NDUFA10: variants seen among roughly 807,000 people sequenced by gnomAD.
NDUFA10 encodes NADH:ubiquinone oxidoreductase subunit A10, also known as NADH dehydrogenase [ubiquinone] 1 alpha subcomplex subunit 10, mitochondrial.
In NDUFA10, 40 loss-of-function variants were observed where a neutral mutation model predicts 47.8. The ratio of observed to expected loss-of-function variants is 0.84; its 90% CI spans 0.65 to 1.09. The LOEUF (loss-of-function observed/expected upper bound fraction) is 1.09. NDUFA10 is among the 50% of genes least tolerant of loss of function. The pLI, the probability that NDUFA10 is intolerant of heterozygous loss-of-function variation, is 0.00. For missense variants in NDUFA10, 413 were observed against 451.1 expected (o/e 0.92, Z 0.76); for synonymous variants, 183 against 172.2 (o/e 1.06, Z -0.49).
At chr2:239,974,375 A>C (rs913771039) in intron 9 of NDUFA10, among the ~76,000 whole-genome samples, 2 of 152,260 alleles carry the variant, frequency 1.3e-5, no homozygotes, top group Non-Finnish European at 2.9e-5. Context: ...TCACAGGATC[A>C]ACAAAACCAA....
intron 5 of NDUFA10, chr2:240,013,697 C>G (rs1157726544): frequency 6.6e-6 from 1 of 152,180 alleles, no homozygotes; most frequent in South Asian, 2.1e-4. Context: ...CTTTCAGGAG[C>G]AGCAAAAAAT....
chr2:239,931,278 GTGCCCAGCAC>G (rs1324167650), intron 4 of NDUFA10, among the ~76,000 whole-genome samples: 1 of 152,136 alleles, frequency 6.6e-6, no homozygotes, highest in African/African-American at 2.4e-5. Flanking sequence ...CTCTCTGGAG[GTGCCCAGCAC>G]CCCTGGCATG....
intron 6 of NDUFA10, among the ~76,000 whole-genome samples, chr2:240,009,039 G>A (rs1351759280): frequency 1.3e-5 from 2 of 152,180 alleles, no homozygotes; most frequent in African/African-American, 2.4e-5. Flanking sequence ...CAGTTCACGT[G>A]CAACCTCAAT....
At chr2:240,011,583 T>G in intron 6 of NDUFA10, 34 bp downstream of exon 6, 1 of 1,561,442 alleles carries the variant, frequency 6.4e-7, no homozygotes. Flanking sequence ...CGAAGAAGTT[T>G]TAGCCCTGTA....
intron 2 of NDUFA10, 115 bp from the exon 3 acceptor site, chr2:240,021,527 C>G (rs1259298270): frequency 9.9e-6 from 9 of 911,564 alleles, no homozygotes; most frequent in East Asian, 7.8e-5. Context: ...AGGGATGGAG[C>G]CAATGACCTA....
At chr2:240,014,271 G>T (rs554927353) in intron 5 of NDUFA10, 4 of 261,734 alleles carry the variant, frequency 1.5e-5, no homozygotes, top group Non-Finnish European at 3.0e-5. Context: ...GGATATCACT[G>T]CTCTACTGTT....
chr2:239,941,494 G>A (rs1370854248), intron 4 of NDUFA10, among the ~76,000 whole-genome samples: 1 of 121,470 alleles, frequency 8.2e-6, no homozygotes, highest in Non-Finnish European at 1.8e-5. Flanking sequence ...GGAAGGCCAA[G>A]GCGGGCAGAT....
At chr2:239,946,051 G>C (rs1694446888) in intron 4 of NDUFA10, among the ~76,000 whole-genome samples, 1 of 152,230 alleles carries the variant, frequency 6.6e-6, no homozygotes, top group Non-Finnish European at 1.5e-5. Flanking sequence ...GGCTTCCAGG[G>C]CAGACGTGTC....
intron 8 of NDUFA10, among the ~76,000 whole-genome samples, chr2:239,998,370 T>TA (rs1291307908): frequency 2.0e-5 from 3 of 152,164 alleles, no homozygotes; most frequent in African/African-American, 4.8e-5. Context: ...CTGCCCAAGG[T>TA]AAAAAACCAC....
At chr2:240,002,948 C>T (rs1442380939) in intron 8 of NDUFA10, among the ~76,000 whole-genome samples, 1 of 152,086 alleles carries the variant, frequency 6.6e-6, no homozygotes, top group Non-Finnish European at 1.5e-5. Flanking sequence ...CTCCCAGGTT[C>T]AAGTGACCCT....
At chr2:239,913,369 A>C (rs796271718) in intron 4 of NDUFA10, among the ~76,000 whole-genome samples, 4 of 152,340 alleles carry the variant, frequency 2.6e-5, no homozygotes, top group African/African-American at 9.6e-5. Context: ...CGGCCCACGC[A>C]ACCTGAGGAC....
chr2:239,982,222 A>G (rs762575870), intron 9 of NDUFA10: 2 of 1,612,692 alleles, frequency 1.2e-6, no homozygotes, highest in East Asian at 2.2e-5. Context: ...ATCCCCAGCT[A>G]CAAGGTTAGA....
chr2:239,944,876 A>T (rs1694418831), intron 4 of NDUFA10, among the ~76,000 whole-genome samples: 1 of 152,152 alleles, frequency 6.6e-6, no homozygotes, highest in Admixed American at 6.5e-5. Context: ...CCAACCCGCC[A>T]CCATCCGCAA....
intron 4 of NDUFA10, among the ~76,000 whole-genome samples, chr2:239,924,562 C>T (rs923831896): frequency 1.3e-5 from 2 of 151,794 alleles, no homozygotes; most frequent in African/African-American, 2.4e-5. Flanking sequence ...TTCCTCAACT[C>T]GATAAAGAAC....
At chr2:240,023,920 A>T (rs996889417) in intron 1 of NDUFA10, among the ~76,000 whole-genome samples, 1 of 152,248 alleles carries the variant, frequency 6.6e-6, no homozygotes, top group Non-Finnish European at 1.5e-5. Context: ...AGATATTCCA[A>T]AGTTGAAACA....
At chr2:239,899,724 A>G (rs1469661835) in intron 4 of NDUFA10, among the ~76,000 whole-genome samples, 2 of 152,036 alleles carry the variant, frequency 1.3e-5, no homozygotes, top group Non-Finnish European at 2.9e-5. Flanking sequence ...CTGGGCCTCA[A>G]TGCAACACTT....
chr2:239,996,345 A>C (rs1696478260), intron 8 of NDUFA10, among the ~76,000 whole-genome samples: 1 of 152,264 alleles, frequency 6.6e-6, no homozygotes, highest in African/African-American at 2.4e-5. Context: ...GTGTATTCTC[A>C]GACCACAAGA....
chr2:240,023,061 C>T (rs568889876), intron 1 of NDUFA10, among the ~76,000 whole-genome samples: 69 of 152,224 alleles, frequency 4.5e-4, no homozygotes, highest in Non-Finnish European at 2.5e-4. Flanking sequence ...CTGTCGGCAC[C>T]CTCACACCTC....
intron 9 of NDUFA10, among the ~76,000 whole-genome samples, chr2:239,970,435 G>A (rs1023276002): frequency 2.0e-5 from 3 of 152,230 alleles, no homozygotes; most frequent in African/African-American, 7.2e-5. Context: ...ATGATGCCGG[G>A]TGGAAACTCA....
Sources: allele counts gnomAD v4.1 joint callset (sites outside exome capture counted in the v4.1 genomes callset), GRCh38; gene constraint gnomAD v4.1.1; transcripts MANE v1.5; gene names NCBI Gene and HGNC (gene_info 2026-07-23, HGNC 2026-07-21).